ANKRD28: variants seen among roughly 807,000 people sequenced by gnomAD.
The protein encoded by ANKRD28 is serine/threonine-protein phosphatase 6 regulatory ankyrin repeat subunit A.
ANKRD28 carries 44 observed loss-of-function variants against 126.5 expected under a neutral mutation model. That is an observed-to-expected ratio of 0.35 (90% CI 0.27 to 0.45). The LOEUF is 0.45. ANKRD28 is among the 20% of genes least tolerant of loss of function. The probability of loss-of-function intolerance (pLI) is 1.00; values close to 1 mark genes in which losing one functional copy is unlikely to be tolerated. For synonymous variants in ANKRD28, 442 were observed against 468.5 expected (o/e 0.94, Z 0.73); for missense variants, 1,110 against 1,316.6 (o/e 0.84, Z 2.43).
intron 4 of ANKRD28, among the ~76,000 whole-genome samples, chr3:15,742,350 G>A (rs1032730334): frequency 3.3e-5 from 5 of 150,138 alleles, no homozygotes; most frequent in South Asian, 2.1e-4. Flanking sequence ...CTGCTCGGCC[G>A]CCCATCGTCT....
intron 1 of ANKRD28, among the ~76,000 whole-genome samples, chr3:15,829,416 C>A (rs2061141208): frequency 6.6e-6 from 1 of 152,134 alleles, no homozygotes; most frequent in Admixed American, 6.5e-5. Context: ...TTTGATATTA[C>A]ATCAAAGCTT....
At chr3:15,794,307 G>T (rs2060175024) in intron 2 of ANKRD28, among the ~76,000 whole-genome samples, 1 of 146,030 alleles carries the variant, frequency 6.8e-6, no homozygotes. Flanking sequence ...CTAACATTAA[G>T]TGGTCACAGC....
rs1575757962 is a variant in ANKRD28 at position 15,814,711 on chromosome 3, A to C, written c.28-19405T>G. 6.6e-6 allele frequency among the ~76,000 whole-genome samples: 1 copy of C among 152,132 alleles called. No homozygotes were observed. Among genetic ancestry groups the C allele is most frequent in the East Asian group, 1.9e-4 (1 of 5,192 alleles). On this transcript the variant is annotated intron_variant, in intron 1 of 27. Transcript: ENST00000399451. The surrounding 1 kb of genome is among the most constrained non-coding windows in gnomAD (Gnocchi z 4.7). Reference sequence around the variant, plus strand: ...TTCAGTTACTTACTAATCAGCAATTATTTACCCATGGGGACGTGTTGATTT... The same window carrying C: ...TTCAGTTACTTACTAATCAGCAATTCTTTACCCATGGGGACGTGTTGATTT...
chr3:15,789,522 T>C (rs754332659), intron 2 of ANKRD28, among the ~76,000 whole-genome samples: 4 of 152,112 alleles, frequency 2.6e-5, no homozygotes, highest in Non-Finnish European at 5.9e-5. Context: ...AAGTACATGA[T>C]ACAGCAGTCA....
At position 15,816,455 on chromosome 3, in the gene ANKRD28, T is replaced by C. The variant is rs770370769; in HGVS notation, c.28-21149A>G. On this transcript the variant is annotated intron_variant, in intron 1 of 27. Transcript: ENST00000399451. This position sits in a 1 kb window ranked among gnomAD's most constrained non-coding sequence, Gnocchi z 5.0. ...CCAGCTTAAGTTAACAGCCTAAGGATAAAAAATACTACAGTGTCTCTTCAC... is the reference window on the plus strand; with the variant it reads ...CCAGCTTAAGTTAACAGCCTAAGGACAAAAAATACTACAGTGTCTCTTCAC... Among the ~76,000 whole-genome samples, 4 of 152,172 alleles carry C rather than the reference T, an allele frequency of 2.6e-5. No individual in the cohort carries two copies. The highest frequency in any genetic ancestry group is 5.9e-5 in the Non-Finnish European group (4 of 68,032).
At chr3:15,675,505 C>T (rs2066844962) in intron 27 of ANKRD28, among the ~76,000 whole-genome samples, 1 of 152,092 alleles carries the variant, frequency 6.6e-6, no homozygotes, top group African/African-American at 2.4e-5. Context: ...AGAGAACTGT[C>T]AAACTGACAT....
chr3:15,741,697 CTTTTTTTTTTTTTTTTTTTTT>C lies in ANKRD28; in HGVS notation c.352-4485_352-4465del, dbSNP rs58655271. 1.8e-3 allele frequency among the ~76,000 whole-genome samples: 61 copies of C among 33,664 alleles called. 1 individual carries two copies. In the South Asian group the frequency reaches 0.025, roughly 14 times the overall value. 22.1% of individuals were successfully genotyped at this position (33,664 alleles called of 152,430 possible). A position where few individuals can be genotyped will look rare whatever the true frequency, so the allele number is the denominator to read the frequency against. ...ACCAGTTTTCCCCTTTGGTTCTATC[CTTTTTTTTTTTTTTTTTTTTT>C]TTTTTTTTTTTTTTTTTTTAGCAAT... On this transcript the variant is annotated intron_variant, in intron 4 of 27. Transcript: ENST00000683139.
intron 24 of ANKRD28, 118 bp downstream of exon 24, chr3:15,678,091 A>T (rs2067141174): frequency 2.0e-6 from 2 of 1,018,380 alleles, no homozygotes; most frequent in Admixed American, 6.1e-5. Context: ...AACAGGTAAA[A>T]GGTTTTAAGT....
chr3:15,767,097 T>G (rs374572066), intron 2 of ANKRD28, among the ~76,000 whole-genome samples: 1 of 152,208 alleles, frequency 6.6e-6, no homozygotes, highest in African/African-American at 2.4e-5. Flanking sequence ...TATATTCATG[T>G]CTGTTTCAAT....
intron 14 of ANKRD28, among the ~76,000 whole-genome samples, chr3:15,702,471 A>T (rs2070756215): frequency 6.6e-6 from 1 of 152,270 alleles, no homozygotes; most frequent in African/African-American, 2.4e-5. Flanking sequence ...GAAATAAAAT[A>T]TATACACAAA....
Position 15,853,508 on chromosome 3 carries a change from C to A in ANKRD28, c.27+5869G>T, listed in dbSNP as rs1009261836. ...TTTTTGAGATGGAGTCTCATTCTGT[C>A]GCCCAGGCTGGAGTGCAGTAGTACG... is the stretch of plus-strand genomic sequence containing the variant. On this transcript the variant is annotated intron_variant, in intron 1 of 27. Coordinates refer to the ANKRD28 transcript ENST00000399451. The surrounding 1 kb of genome is among the most constrained non-coding windows in gnomAD (Gnocchi z 4.2). 1.3e-5 allele frequency among the ~76,000 whole-genome samples: 2 copies of A among 151,940 alleles called. No individual in the cohort carries two copies. The highest frequency in any genetic ancestry group is 2.4e-5 in the African/African-American group (1 of 41,342).
chr3:15,816,868 A>G lies in ANKRD28; in HGVS notation c.28-21562T>C, dbSNP rs1575761504. Among the ~76,000 whole-genome samples, 1 of 152,208 alleles carries G rather than the reference A, an allele frequency of 6.6e-6. No homozygotes were observed. Among genetic ancestry groups the G allele is most frequent in the East Asian group, 1.9e-4 (1 of 5,194 alleles). On this transcript the variant is annotated intron_variant, in intron 1 of 27. Coordinates refer to the ANKRD28 transcript ENST00000399451. The surrounding 1 kb of genome is among the most constrained non-coding windows in gnomAD (Gnocchi z 5.0). ...TAGGTTGTGCATAGATTAATCATAG[A>G]GTTAAAACACATCTGAAAACCCATC... is the stretch of plus-strand genomic sequence containing the variant.
intron 2 of ANKRD28, among the ~76,000 whole-genome samples, chr3:15,791,714 A>T (rs575443219): frequency 1.3e-5 from 2 of 152,308 alleles, no homozygotes; most frequent in Non-Finnish European, 2.9e-5. Flanking sequence ...GCAATAGCCC[A>T]CAAGCACAGG....
chr3:15,820,415 C>A (rs1333927390), intron 1 of ANKRD28, among the ~76,000 whole-genome samples: 1 of 152,114 alleles, frequency 6.6e-6, no homozygotes, highest in Non-Finnish European at 1.5e-5. Context: ...TGTTAAACAA[C>A]ACTGTGAAGA....
In ANKRD28 at chr3:15,731,580, A is replaced by G. The variant is rs554231016; in HGVS notation, c.640+3830T>C. On this transcript the variant is annotated intron_variant, in intron 6 of 27. Coordinates refer to ENST00000683139, the MANE Select transcript of ANKRD28 (RefSeq NM_001349278.2). ...TGGCCCAGTACATAACTAGCGGCAC[A>G]TATCTTTGGTGTAAACCACCATACA... Among the ~76,000 whole-genome samples, 4 of 152,286 alleles carry G rather than the reference A, an allele frequency of 2.6e-5. No individual in the cohort carries two copies. The South Asian group carries it at 8.3e-4, about 32-fold the overall frequency.
At chr3:15,687,711 C>T (rs1293322851) in intron 18 of ANKRD28, among the ~76,000 whole-genome samples, 1 of 152,044 alleles carries the variant, frequency 6.6e-6, no homozygotes, top group African/African-American at 2.4e-5. Context: ...CTACCCTAGT[C>T]CAATCTGTAT....
At chr3:15,689,194 T>C (rs2068495394) in intron 18 of ANKRD28, among the ~76,000 whole-genome samples, 1 of 152,166 alleles carries the variant, frequency 6.6e-6, no homozygotes, top group Admixed American at 6.5e-5. Context: ...CAAGCTGACA[T>C]TTTTCAGCTC....
intron 8 of ANKRD28, among the ~76,000 whole-genome samples, chr3:15,717,390 T>C (rs2073191289): frequency 6.6e-6 from 1 of 152,170 alleles, no homozygotes; most frequent in African/African-American, 2.4e-5. Context: ...TTCAGATTAC[T>C]AACTAAAAAG....
intron 2 of ANKRD28, among the ~76,000 whole-genome samples, chr3:15,788,437 T>C (rs2059880276): frequency 6.6e-6 from 1 of 152,174 alleles, no homozygotes; most frequent in Admixed American, 6.5e-5. Flanking sequence ...CATTCTGCTA[T>C]ACTGATTCTG....
Sources: gnomAD v4.1 joint callset for allele counts (sites outside exome capture counted in the v4.1 genomes callset) on GRCh38, gnomAD v4.1.1 for gene constraint, Gnocchi (gnomAD v3.1) non-coding constraint, MANE v1.5 for transcripts, NCBI Gene and HGNC (gene_info 2026-07-23, HGNC 2026-07-21) for gene names.